The following RBFOX1 variants were observed in gnomAD, a reference collection of about 807,000 sequenced individuals.
RBFOX1 encodes the protein RNA binding protein fox-1 homolog 1.
In RBFOX1, 8 loss-of-function variants were observed where a neutral mutation model predicts 57.7. The ratio of observed to expected loss-of-function variants is 0.14; its 90% CI spans 0.08 to 0.25. The LOEUF is 0.25. Ranked by LOEUF, RBFOX1 falls within the 10% of genes least tolerant of loss-of-function variation. The probability of loss-of-function intolerance (pLI) is 1.00; values close to 1 mark genes in which losing one functional copy is unlikely to be tolerated. For missense variants in RBFOX1, 611 were observed against 548.5 expected, an observed-to-expected ratio of 1.11 and a Z score of -1.14; for synonymous variants, 326 against 222.4, an observed-to-expected ratio of 1.47 and a Z score of -4.15.
chr16:7,145,005 G>A (rs779464923), intron 4 of RBFOX1, among the ~76,000 whole-genome samples: 12 of 152,170 alleles, frequency 7.9e-5, no homozygotes, highest in Non-Finnish European at 1.3e-4. Context: ...GTCAGCTGAC[G>A]TTGTTTTTTA....
At chr16:5,556,638 A>G (rs2045687952) in intron 2 of RBFOX1, among the ~76,000 whole-genome samples, 1 of 152,222 alleles carries the variant, frequency 6.6e-6, no homozygotes, top group African/African-American at 2.4e-5. Context: ...TCTTGGGAGA[A>G]CCAGCGGCTG....
intron 4 of RBFOX1, among the ~76,000 whole-genome samples, chr16:7,070,197 G>A (rs1293979939): frequency 1.3e-5 from 2 of 152,174 alleles, no homozygotes; most frequent in African/African-American, 2.4e-5. Context: ...ATCAGAGCAC[G>A]AGGTTTTGAT....
At chr16:6,947,901 C>T (rs1407602185) in intron 3 of RBFOX1, among the ~76,000 whole-genome samples, 3 of 152,116 alleles carry the variant, frequency 2.0e-5, no homozygotes, top group East Asian at 1.9e-4. Context: ...CTCAGCCCCC[C>T]AAGTAGCTGG....
intron 3 of RBFOX1, among the ~76,000 whole-genome samples, chr16:6,792,041 T>G (rs1421797704): frequency 6.6e-6 from 1 of 152,208 alleles, no homozygotes; most frequent in East Asian, 1.9e-4. Context: ...GATTTTACCC[T>G]GAATTGCGTT....
intron 14 of RBFOX1, among the ~76,000 whole-genome samples, chr16:7,701,350 C>G (rs1598443873): frequency 6.6e-6 from 1 of 152,172 alleles, no homozygotes; most frequent in African/African-American, 2.4e-5. Context: ...CGCCCCCTCT[C>G]ACTCACATTC....
At chr16:7,039,786 T>C (rs2045602630) in intron 3 of RBFOX1, among the ~76,000 whole-genome samples, 1 of 152,174 alleles carries the variant, frequency 6.6e-6, no homozygotes, top group Non-Finnish European at 1.5e-5. Flanking sequence ...ATTTCAGGCC[T>C]TTATAAACTC....
At chr16:6,062,697 C>A (rs79416094) in intron 1 of RBFOX1, among the ~76,000 whole-genome samples, 1 of 150,508 alleles carries the variant, frequency 6.6e-6, no homozygotes, top group Admixed American at 6.7e-5. Context: ...ATATATGTAT[C>A]TATGCATATA....
Position 6,346,371 on chromosome 16 carries a change from A to G in RBFOX1, c.-64+29314A>G, listed in dbSNP as rs544586488. Among the ~76,000 whole-genome samples, 3 of 152,322 alleles carry G rather than the reference A, an allele frequency of 2.0e-5. No individual in the cohort carries two copies. The South Asian group carries it at 6.2e-4, about 32-fold the overall frequency. ...TTAACAAACTACAGCCTAATTTAGT[A>G]TGTGAACTAAGTGAAAGCCTAACTT... On this transcript the variant is annotated intron_variant, in intron 2 of 15. Coordinates refer to ENST00000550418, the MANE Select transcript of RBFOX1 (RefSeq NM_018723.4).
At chr16:6,922,931 T>A (rs2074797223) in intron 3 of RBFOX1, among the ~76,000 whole-genome samples, 1 of 152,182 alleles carries the variant, frequency 6.6e-6, no homozygotes, top group African/African-American at 2.4e-5. Flanking sequence ...TTGGCCATTT[T>A]TGATAATGAC....
intron 2 of RBFOX1, among the ~76,000 whole-genome samples, chr16:6,647,764 C>T (rs549994522): frequency 6.6e-6 from 1 of 152,136 alleles, no homozygotes; most frequent in Admixed American, 6.6e-5. Flanking sequence ...AAGATGGGAT[C>T]TTGCTCTGTC....
chr16:6,952,331 A>G (rs140676733), intron 3 of RBFOX1, among the ~76,000 whole-genome samples: 3 of 152,334 alleles, frequency 2.0e-5, no homozygotes, highest in Non-Finnish European at 4.4e-5. Context: ...AGTTTTGACA[A>G]AGTAGTTAAC....
At chr16:5,858,502 T>A (rs2057127401) in intron 3 of RBFOX1, among the ~76,000 whole-genome samples, 1 of 152,164 alleles carries the variant, frequency 6.6e-6, no homozygotes, top group Admixed American at 6.5e-5. Flanking sequence ...CCCCTGTGAC[T>A]TTTTCTTTCC....
At chr16:7,125,918 A>C (rs953748576) in intron 4 of RBFOX1, among the ~76,000 whole-genome samples, 4 of 152,122 alleles carry the variant, frequency 2.6e-5, no homozygotes, top group African/African-American at 9.7e-5. Context: ...CTCCATCTCT[A>C]CTAAAAATAC....
Position 5,272,128 on chromosome 16 carries a change from G to T in RBFOX1, c.219+32023G>T, listed in dbSNP as rs114466079. 2.0e-3 allele frequency among the ~76,000 whole-genome samples: 299 copies of T among 152,236 alleles called. 2 individuals are homozygous for T. The highest frequency in any genetic ancestry group is 6.8e-3 in the African/African-American group (284 of 41,536). On this transcript the variant is annotated intron_variant, in intron 1 of 2. Coordinates refer to the RBFOX1 transcript ENST00000585867. ...TTGGTCTGTACCCAGAAGTTGGGTTGCTGGATTATATGCTTTGAAATCTGT... is the reference window on the plus strand; with the variant it reads ...TTGGTCTGTACCCAGAAGTTGGGTTTCTGGATTATATGCTTTGAAATCTGT...
chr16:6,545,232 T>C (rs765608570), intron 2 of RBFOX1, among the ~76,000 whole-genome samples: 3 of 152,220 alleles, frequency 2.0e-5, no homozygotes, highest in Non-Finnish European at 4.4e-5. Flanking sequence ...TCAGATCCAA[T>C]CTTTTTGTAA....
chr16:6,522,044 G>T (rs1049015457), intron 2 of RBFOX1, among the ~76,000 whole-genome samples: 8 of 152,142 alleles, frequency 5.3e-5, no homozygotes, highest in African/African-American at 1.9e-4. Context: ...AGTGTTAGGA[G>T]ATTTGGCAGA....
chr16:6,885,043 G>T (rs150106185), intron 3 of RBFOX1, among the ~76,000 whole-genome samples: 1 of 152,156 alleles, frequency 6.6e-6, no homozygotes, highest in South Asian at 2.1e-4. Flanking sequence ...GCAGCAAAAC[G>T]TTTATTTAAT....
chr16:6,908,965 C>T (rs915999235), intron 3 of RBFOX1, among the ~76,000 whole-genome samples: 5 of 152,182 alleles, frequency 3.3e-5, no homozygotes, highest in African/African-American at 1.2e-4. Context: ...AACACGCTCT[C>T]TCTGGGGGCT....
rs1344256604 is a variant in RBFOX1, at chr16:6,570,013, C to T, written c.-63-84590C>T. Among the ~76,000 whole-genome samples, 4 of 152,192 alleles carry T rather than the reference C, an allele frequency of 2.6e-5. No homozygotes were observed. The East Asian group carries it at 7.7e-4, about 29-fold the overall frequency. ...CGTTAGGAAACCCTTGCATTCTCTT[C>T]TGGTTTAGAGGACGACCTTCAGTAT... On this transcript the variant is annotated intron_variant, in intron 2 of 15. Transcript: ENST00000550418.
Sources: gnomAD v4.1 joint callset for allele counts (sites outside exome capture counted in the v4.1 genomes callset) on GRCh38, gnomAD v4.1.1 for gene constraint, MANE v1.5 for transcripts, NCBI Gene and HGNC (gene_info 2026-07-23, HGNC 2026-07-21) for gene names.